Variants in PARVB observed in about 807,000 individuals in gnomAD.
The protein encoded by PARVB is parvin beta.
PARVB carries 46 observed loss-of-function variants against 47.0 expected under a neutral mutation model. That is an observed-to-expected ratio of 0.98 (90% CI 0.77 to 1.25). PARVB has a LOEUF of 1.25. Ranked by LOEUF, PARVB falls within the 50% of genes most tolerant of loss-of-function variation. The pLI is 0.00. For synonymous variants in PARVB, 196 were observed against 196.3 expected, an observed-to-expected ratio of 1.00 and a Z score of 0.01; for missense variants, 473 against 471.6, an observed-to-expected ratio of 1.00 and a Z score of -0.03.
intron 1 of PARVB, among the ~76,000 whole-genome samples, chr22:44,079,127 G>A (rs865857326): frequency 1.3e-5 from 2 of 152,194 alleles, no homozygotes; most frequent in East Asian, 1.9e-4. Context: ...AACGTTTCCC[G>A]CAATGTGTGT....
rs2053473717 is a variant in PARVB at position 44,137,938 on chromosome 22, T to G, written c.692+1420T>G. Among the ~76,000 whole-genome samples the G allele has an allele frequency of 2.6e-5, 4 of 152,086 alleles. No individual in the cohort carries two copies. The South Asian group carries it at 8.3e-4, about 32-fold the overall frequency. On this transcript the variant is annotated intron_variant, in intron 7 of 12. Coordinates refer to ENST00000338758, the MANE Select transcript of PARVB (RefSeq NM_013327.5). ...GTGCAGGAATGGCCTGTGCACATTG[T>G]TGGGTGGTGGGCATGCTGTGATAGG...
At chr22:44,002,448 G>T (rs1250408790) in intron 2 of PARVB, among the ~76,000 whole-genome samples, 1 of 152,170 alleles carries the variant, frequency 6.6e-6, no homozygotes, top group Non-Finnish European at 1.5e-5. Context: ...GAGCCTATCA[G>T]TATCGAGAGA....
Position 44,064,761 on chromosome 22 carries a change from G to A in PARVB, c.113-29167G>A, listed in dbSNP as rs574644799. Among the ~76,000 whole-genome samples the A allele has an allele frequency of 2.0e-5, 3 of 152,318 alleles. No homozygotes were observed. In the East Asian group the frequency reaches 5.8e-4, roughly 29 times the overall value. ...CTCAGCTACTCAGGAGGCTGAGGTGGGAGGATCACTTGAGCCCGGGAGGTG... is the reference window on the plus strand; with the variant it reads ...CTCAGCTACTCAGGAGGCTGAGGTGAGAGGATCACTTGAGCCCGGGAGGTG... On this transcript the variant is annotated intron_variant, in intron 1 of 12. Coordinates refer to ENST00000338758, the MANE Select transcript of PARVB (RefSeq NM_013327.5).
At chr22:44,046,352 T>C (rs2051111611) in intron 1 of PARVB, among the ~76,000 whole-genome samples, 2 of 152,234 alleles carry the variant, frequency 1.3e-5, no homozygotes, top group African/African-American at 4.8e-5. Context: ...TCCTTGGTGC[T>C]AGGAGATGCG....
At chr22:44,017,988 G>T (rs1258549446) in intron 2 of PARVB, among the ~76,000 whole-genome samples, 1 of 152,108 alleles carries the variant, frequency 6.6e-6, no homozygotes, top group African/African-American at 2.4e-5. Context: ...TCTGTCCCAT[G>T]CACCAGATTC....
rs1425021535 is a variant in PARVB, at chr22:44,049,354, C to T, written c.112+24903C>T. Among the ~76,000 whole-genome samples the T allele has an allele frequency of 2.6e-5, 4 of 152,240 alleles. No homozygotes were observed. The highest frequency in any genetic ancestry group is 9.6e-5 in the African/African-American group (4 of 41,462). On this transcript the variant is annotated intron_variant, in intron 1 of 12. Transcript: ENST00000338758. This position sits in a 1 kb window ranked among gnomAD's most constrained non-coding sequence, Gnocchi z 4.0. Reference sequence around the variant, plus strand: ...TTTCTCCTCCCAGCCCCCTTTCTCACTTCAGGCCCTAGACAAGAATCGGAG... The same window carrying T: ...TTTCTCCTCCCAGCCCCCTTTCTCATTTCAGGCCCTAGACAAGAATCGGAG...
intron 11 of PARVB, among the ~76,000 whole-genome samples, chr22:44,159,405 G>T (rs2054005170): frequency 6.6e-6 from 1 of 152,146 alleles, no homozygotes; most frequent in African/African-American, 2.4e-5. Context: ...TTGAAACTGG[G>T]ATGAAAGTCT....
At chr22:44,098,739 A>G (rs942132552) in intron 2 of PARVB, among the ~76,000 whole-genome samples, 2 of 152,078 alleles carry the variant, frequency 1.3e-5, no homozygotes, top group Non-Finnish European at 2.9e-5. Flanking sequence ...CAGAGTTTAC[A>G]CTCTGCTGCC....
chr22:44,132,580 G>T (rs990874326), intron 5 of PARVB, among the ~76,000 whole-genome samples: 1 of 152,108 alleles, frequency 6.6e-6, no homozygotes, highest in African/African-American at 2.4e-5. Flanking sequence ...TGCTTTCCAT[G>T]CTCTTTTCCC....
intron 1 of PARVB, among the ~76,000 whole-genome samples, chr22:44,077,678 C>T (rs947349639): frequency 6.6e-6 from 1 of 152,066 alleles, no homozygotes; most frequent in Non-Finnish European, 1.5e-5. Context: ...GAGAACCACA[C>T]GTCATTGCCC....
chr22:44,034,926 G>C (rs986112995), intron 1 of PARVB, among the ~76,000 whole-genome samples: 3 of 151,836 alleles, frequency 2.0e-5, no homozygotes, highest in African/African-American at 7.3e-5. Context: ...GGCCAGGCTG[G>C]TCTCAAACTC....
At chr22:44,060,554 T>C (rs2051400150) in intron 1 of PARVB, among the ~76,000 whole-genome samples, 1 of 152,004 alleles carries the variant, frequency 6.6e-6, no homozygotes, top group Non-Finnish European at 1.5e-5. Flanking sequence ...GGGTGAGTTA[T>C]ACCTGATGGG....
intron 1 of PARVB, chr22:44,026,188 A>G (rs1393640722): frequency 7.7e-6 from 3 of 388,220 alleles, no homozygotes; most frequent in Non-Finnish European, 1.1e-5. Flanking sequence ...CCAAATTCCA[A>G]AGTACGCAGT....
intron 1 of PARVB, among the ~76,000 whole-genome samples, chr22:44,088,177 C>T (rs921072203): frequency 1.1e-4 from 17 of 152,112 alleles, no homozygotes; most frequent in Non-Finnish European, 1.0e-4. Flanking sequence ...TTGTGCTGCT[C>T]CTTGAATATA....
intron 7 of PARVB, 24 bp from the exon 8 acceptor site, chr22:44,140,100 C>T (rs1299336284): frequency 3.8e-6 from 5 of 1,328,094 alleles, no homozygotes; most frequent in Non-Finnish European, 3.9e-6. Flanking sequence ...CATCTCATGG[C>T]TCTCTCTGTG....
intron 1 of PARVB, among the ~76,000 whole-genome samples, chr22:44,032,155 T>C (rs1227775848): frequency 1.3e-5 from 2 of 152,212 alleles, no homozygotes; most frequent in Non-Finnish European, 2.9e-5. Flanking sequence ...CAATCAATCC[T>C]AGAAGTGTTC....
At chr22:44,133,690 CA>C (rs1460700284) in intron 6 of PARVB, among the ~76,000 whole-genome samples, 2 of 152,062 alleles carry the variant, frequency 1.3e-5, no homozygotes, top group Admixed American at 1.3e-4. Flanking sequence ...AGGCACATGC[CA>C]CCGTGCCTGG....
chr22:44,110,525 T>A (rs1431999018), intron 3 of PARVB: 5 of 152,158 alleles, frequency 3.3e-5, no homozygotes, highest in African/African-American at 1.2e-4. Context: ...GTCCTCCAGT[T>A]TTGTTCATCT....
At chr22:44,064,755 G>A (rs560721852) in intron 1 of PARVB, among the ~76,000 whole-genome samples, 1 of 152,224 alleles carries the variant, frequency 6.6e-6, no homozygotes, top group Admixed American at 6.5e-5. Flanking sequence ...TCAGGAGGCT[G>A]AGGTGGGAGG....
Sources: gnomAD v4.1 joint callset for allele counts (sites outside exome capture counted in the v4.1 genomes callset) on GRCh38, gnomAD v4.1.1 for gene constraint, Gnocchi (gnomAD v3.1) non-coding constraint, MANE v1.5 for transcripts, NCBI Gene and HGNC (gene_info 2026-07-23, HGNC 2026-07-21) for gene names.